Variants in ST8SIA4 observed in about 807,000 individuals in gnomAD.
ST8SIA4 encodes ST8 alpha-N-acetyl-neuraminide alpha-2,8-sialyltransferase 4, also known as CMP-N-acetylneuraminate-poly-alpha-2,8-sialyltransferase.
In ST8SIA4, 15 loss-of-function variants were observed where a neutral mutation model predicts 33.9. The observed-to-expected ratio is 0.44, with a 90% CI of 0.30 to 0.68. The LOEUF (loss-of-function observed/expected upper bound fraction) is 0.68. Among genes scored for constraint, ST8SIA4 ranks in the 30% least tolerant of loss-of-function variants. The pLI, the probability that ST8SIA4 is intolerant of heterozygous loss-of-function variation, is 0.10. For synonymous variants in ST8SIA4, 171 were observed against 151.2 expected (o/e 1.13, Z -0.96); for missense variants, 321 against 428.0 (o/e 0.75, Z 2.21).
At position 100,828,624 on chromosome 5, in the gene ST8SIA4, A is replaced by T. The variant is rs572848435; in HGVS notation, c.798-16495T>A. Among the ~76,000 whole-genome samples, 3 of 152,308 alleles carry T rather than the reference A, an allele frequency of 2.0e-5. No homozygotes were observed. The South Asian group carries it at 6.2e-4, about 32-fold the overall frequency. On this transcript the variant is annotated intron_variant, in intron 4 of 4. Coordinates refer to ENST00000231461, the MANE Select transcript of ST8SIA4 (RefSeq NM_005668.6). ...TTTCCTCACTCATGGGACCCCATAG[A>T]CATCTCTAGGGCTATTTCCCTTGCC... is the stretch of plus-strand genomic sequence containing the variant.
chr5:100,901,252 C>A (rs1752904016), intron 1 of ST8SIA4, among the ~76,000 whole-genome samples: 1 of 152,208 alleles, frequency 6.6e-6, no homozygotes, highest in Non-Finnish European at 1.5e-5. Flanking sequence ...ACTCGCTCCG[C>A]CCACTCCTGC....
chr5:100,899,579 A>G (rs534404842), intron 1 of ST8SIA4, among the ~76,000 whole-genome samples: 10 of 152,372 alleles, frequency 6.6e-5, no homozygotes, highest in Non-Finnish European at 1.3e-4. Context: ...TTTGGATAAT[A>G]AGAAAAGTAA....
At chr5:100,889,967 A>G (rs1358222282) in intron 2 of ST8SIA4, among the ~76,000 whole-genome samples, 2 of 151,940 alleles carry the variant, frequency 1.3e-5, no homozygotes, top group African/African-American at 4.8e-5. Flanking sequence ...GATATTTTAC[A>G]AAGTAAAAAG....
chr5:100,894,741 G>C (rs1159262982), intron 2 of ST8SIA4, among the ~76,000 whole-genome samples: 4 of 152,104 alleles, frequency 2.6e-5, no homozygotes, highest in Admixed American at 2.6e-4. Context: ...TTAAAGGTAG[G>C]TATAATACAA....
chr5:100,895,170 T>C (rs912820904), intron 2 of ST8SIA4, among the ~76,000 whole-genome samples: 1 of 152,054 alleles, frequency 6.6e-6, no homozygotes, highest in African/African-American at 2.4e-5. Flanking sequence ...TATTTTCTGA[T>C]TTTTATCCAA....
chr5:100,890,399 A>G (rs1752635444), intron 2 of ST8SIA4, among the ~76,000 whole-genome samples: 1 of 151,914 alleles, frequency 6.6e-6, no homozygotes, highest in African/African-American at 2.4e-5. Context: ...GTCACCAAGG[A>G]GAACATATAT....
At chr5:100,899,499 T>C (rs1752852899) in intron 1 of ST8SIA4, among the ~76,000 whole-genome samples, 1 of 152,210 alleles carries the variant, frequency 6.6e-6, no homozygotes, top group African/African-American at 2.4e-5. Flanking sequence ...TTATCATAGG[T>C]TTTAGAACTA....
intron 2 of ST8SIA4, among the ~76,000 whole-genome samples, chr5:100,888,472 G>A (rs761787387): frequency 2.0e-5 from 3 of 151,838 alleles, no homozygotes; most frequent in Non-Finnish European, 2.9e-5. Flanking sequence ...TTGAGAAAAC[G>A]CTACACCTAG....
At chr5:100,894,695 T>G (rs1242909236) in intron 2 of ST8SIA4, among the ~76,000 whole-genome samples, 1 of 152,094 alleles carries the variant, frequency 6.6e-6, no homozygotes, top group Non-Finnish European at 1.5e-5. Context: ...TGTAATAGAC[T>G]AATAGACTCT....
At chr5:100,893,564 T>C (rs1752717918) in intron 2 of ST8SIA4, among the ~76,000 whole-genome samples, 1 of 152,100 alleles carries the variant, frequency 6.6e-6, no homozygotes, top group Admixed American at 6.6e-5. Context: ...ATACGAATCT[T>C]TTGGGTCAAG....
In ST8SIA4 at chr5:100,808,125, G is replaced by T. The variant is rs1015088275; in HGVS notation, c.*3722C>A. ...AACTCTTTCATGAACCAAATATCAC[G>T]TTATATGCATTATGTCTAACTGGCT... On this transcript the variant is annotated 3_prime_UTR_variant, in exon 5 of 5. Transcript: ENST00000231461. 1 of 152,222 alleles carries T rather than the reference G, an allele frequency of 6.6e-6. No individual in the cohort carries two copies. The highest frequency in any genetic ancestry group is 1.5e-5 in the Non-Finnish European group (1 of 67,932). The allele number at this position is 152,222 out of a possible 1,614,324, so 9.4% of individuals were successfully genotyped here.
chr5:100,845,159 T>A (rs566100584), intron 4 of ST8SIA4, among the ~76,000 whole-genome samples: 1 of 152,162 alleles, frequency 6.6e-6, no homozygotes, highest in African/African-American at 2.4e-5. Flanking sequence ...TAACTGACCA[T>A]GATCAATCAC....
At chr5:100,822,425 G>C (rs918927029) in intron 4 of ST8SIA4, among the ~76,000 whole-genome samples, 51 of 152,258 alleles carry the variant, frequency 3.3e-4, no homozygotes, top group African/African-American at 1.1e-3. Flanking sequence ...CTAGGACTTA[G>C]AATGGAGTCA....
chr5:100,894,561 T>G (rs1159967558), intron 2 of ST8SIA4, among the ~76,000 whole-genome samples: 1 of 152,122 alleles, frequency 6.6e-6, no homozygotes, highest in Non-Finnish European at 1.5e-5. Flanking sequence ...ATACTATTCC[T>G]ACATCGCCCT....
At chr5:100,826,827 T>C (rs1751158029) in intron 4 of ST8SIA4, among the ~76,000 whole-genome samples, 1 of 151,864 alleles carries the variant, frequency 6.6e-6, no homozygotes, top group African/African-American at 2.4e-5. Flanking sequence ...CATGTATAGT[T>C]ATATGTTGTA....
At chr5:100,816,027 G>A (rs571685614) in intron 4 of ST8SIA4, among the ~76,000 whole-genome samples, 2 of 152,276 alleles carry the variant, frequency 1.3e-5, no homozygotes, top group South Asian at 2.1e-4. Context: ...TTGTGGTAAC[G>A]TCGTTTAACC....
At chr5:100,829,148 C>T (rs1751201379) in intron 4 of ST8SIA4, among the ~76,000 whole-genome samples, 1 of 152,204 alleles carries the variant, frequency 6.6e-6, no homozygotes, top group Non-Finnish European at 1.5e-5. Flanking sequence ...CACTGCCATG[C>T]TCTGCTCTCT....
intron 3 of ST8SIA4, among the ~76,000 whole-genome samples, chr5:100,869,989 T>C (rs192898548): frequency 8.8e-4 from 134 of 152,206 alleles, no homozygotes; most frequent in Non-Finnish European, 1.7e-3. Flanking sequence ...TAATGCTATC[T>C]CTCCCACCTC....
intron 4 of ST8SIA4, among the ~76,000 whole-genome samples, chr5:100,823,583 T>TA (rs1449666975): frequency 6.6e-6 from 1 of 152,256 alleles, no homozygotes; most frequent in African/African-American, 2.4e-5. Flanking sequence ...ATTTAACTCT[T>TA]ATCTTTGTTT....
Sources: allele counts gnomAD v4.1 joint callset (sites outside exome capture counted in the v4.1 genomes callset), GRCh38; gene constraint gnomAD v4.1.1; transcripts MANE v1.5; gene names NCBI Gene and HGNC (gene_info 2026-07-23, HGNC 2026-07-21).